Variants in TMEM165 observed in about 807,000 individuals in gnomAD.
TMEM165 encodes transmembrane protein 165, also known as putative divalent cation/proton antiporter TMEM165.
In TMEM165, 19 loss-of-function variants were observed where a neutral mutation model predicts 30.0. The ratio of observed to expected loss-of-function variants is 0.63; its 90% CI spans 0.44 to 0.93. The LOEUF (loss-of-function observed/expected upper bound fraction) is 0.93. TMEM165 is among the 40% of genes least tolerant of loss of function. The probability of loss-of-function intolerance (pLI) is 0.00; values close to 1 mark genes in which losing one functional copy is unlikely to be tolerated. For missense variants in TMEM165, 340 were observed against 417.0 expected (o/e 0.82, Z 1.61); for synonymous variants, 168 against 162.9 (o/e 1.03, Z -0.24).
chr4:55,440,983 A>C (rs572200674), intron 3 of TMEM165, among the ~76,000 whole-genome samples: 6 of 142,236 alleles, frequency 4.2e-5, no homozygotes, highest in Admixed American at 6.9e-5. Flanking sequence ...AAACAAAACA[A>C]AACACAACAC....
At chr4:55,448,601 CGTGTGTGTGTGT>C (rs3034980) in intron 3 of TMEM165, among the ~76,000 whole-genome samples, 6,258 of 116,948 alleles carry the variant, frequency 0.054, 215 homozygotes, top group African/African-American at 0.11. Flanking sequence ...CGCACGCGCG[CGTGTGTGTGTGT>C]GTGTGTGTGT....
chr4:55,405,605 G>A (rs1721235656), intron 1 of TMEM165, among the ~76,000 whole-genome samples: 1 of 152,134 alleles, frequency 6.6e-6, no homozygotes, highest in South Asian at 2.1e-4. Context: ...CTGCCAACCA[G>A]AAAACCTCAC....
At chr4:55,414,972 C>G (rs1432041201) in intron 2 of TMEM165, among the ~76,000 whole-genome samples, 2 of 152,276 alleles carry the variant, frequency 1.3e-5, no homozygotes, top group East Asian at 3.9e-4. Flanking sequence ...GTGACCCAGT[C>G]AATATTTCTT....
In TMEM165 at chr4:55,417,061, A is replaced by AT. The variant is rs1721761558; in HGVS notation, c.434-5dup. On this transcript the variant is annotated splice_polypyrimidine_tract_variant and intron_variant, in intron 2 of 5. Coordinates refer to ENST00000381334, the MANE Select transcript of TMEM165 (RefSeq NM_018475.5). Reference sequence around the variant, plus strand: ...ACTCGATTAACAAACATACTGTTGTATTTTTTCCAGTTTTGTTTGGCTATG... The same window carrying AT: ...ACTCGATTAACAAACATACTGTTGTATTTTTTTCCAGTTTTGTTTGGCTATG... The AT allele has an allele frequency of 1.9e-6, 3 of 1,585,674 alleles. No individual in the cohort carries two copies. The highest frequency in any genetic ancestry group is 1.7e-6 in the Non-Finnish European group (2 of 1,168,356).
chr4:55,401,994 T>A (rs1320707582), intron 1 of TMEM165, among the ~76,000 whole-genome samples: 5 of 148,698 alleles, frequency 3.4e-5, no homozygotes, highest in African/African-American at 1.3e-4. Flanking sequence ...GGCACACACC[T>A]GTAATCCCAG....
chr4:55,443,665 C>T (rs1328685290), intron 3 of TMEM165: 1 of 1,587,846 alleles, frequency 6.3e-7, no homozygotes, highest in Non-Finnish European at 8.6e-7. Context: ...ACTCCATAGC[C>T]CGCTGTGCTC....
chr4:55,396,301 G>C lies in TMEM165; in HGVS notation c.112G>C (p.Asp38His). ...PAAVRAGPDE[D>H]LSHRNKEPPA... ...TGCGGTCCGGGCCGGCCCAGATGAA[G>C]ACCTTAGCCACCGGAACAAAGAACC... The change falls in exon 1 of 6, where the codon GAC (aspartate) becomes CAC (histidine). Residue 38 changes from aspartate to histidine, a missense_variant. Around this residue, in one of 2 missense-constraint regions of TMEM165, gnomAD observed 120 missense variants for 109.4 expected, o/e 1.10. Coordinates refer to ENST00000381334, the MANE Select transcript of TMEM165 (RefSeq NM_018475.5). 1.3e-6 allele frequency: 2 copies of C among 1,530,978 alleles called. No homozygotes were observed. The highest frequency in any genetic ancestry group is 1.7e-6 in the Non-Finnish European group (2 of 1,144,136). 94.8% of individuals were successfully genotyped at this position (1,530,978 alleles called of 1,614,324 possible). A position where few individuals can be genotyped will look rare whatever the true frequency, so the allele number is the denominator to read the frequency against.
chr4:55,412,119 GCA>G (rs1721528414), intron 2 of TMEM165: 1 of 443,482 alleles, frequency 2.3e-6, no homozygotes, highest in African/African-American at 2.0e-5. Context: ...TTAGGGCTGG[GCA>G]CAGTCACTCA....
At chr4:55,408,426 A>G (rs879269616) in intron 1 of TMEM165, among the ~76,000 whole-genome samples, 1 of 152,234 alleles carries the variant, frequency 6.6e-6, no homozygotes, top group Non-Finnish European at 1.5e-5. Flanking sequence ...GCTAAATGGT[A>G]TAGCCTATGG....
intron 1 of TMEM165, among the ~76,000 whole-genome samples, chr4:55,410,141 A>T (rs546959473): frequency 6.6e-6 from 1 of 152,224 alleles, no homozygotes; most frequent in Admixed American, 6.5e-5. Flanking sequence ...CTTCTTAAAA[A>T]TGTAAAAAAC....
chr4:55,418,440 C>T (rs1220588495), intron 4 of TMEM165, among the ~76,000 whole-genome samples: 3 of 151,342 alleles, frequency 2.0e-5, no homozygotes, highest in African/African-American at 7.3e-5. Context: ...GGGAGGATTG[C>T]TTGAGCCTGG....
intron 1 of TMEM165, chr4:55,403,224 G>T: frequency 7.8e-7 from 1 of 1,282,950 alleles, no homozygotes; most frequent in South Asian, 1.2e-5. Context: ...CTTTGTTTCT[G>T]TTTTTTTGCA....
chr4:55,452,748 G>A (rs1724578773), exon 4 of TMEM165: 1 of 201,284 alleles, frequency 5.0e-6, no homozygotes, highest in Non-Finnish European at 1.0e-5. Flanking sequence ...TTACCTACCC[G>A]ATAAAAATAT....
intron 4 of TMEM165, among the ~76,000 whole-genome samples, chr4:55,420,695 T>C (rs564262595): frequency 6.6e-6 from 1 of 152,348 alleles, no homozygotes; most frequent in Non-Finnish European, 1.5e-5. Context: ...ATTTTTCTTA[T>C]GAACCATGCA....
downstream of TMEM165, chr4:55,430,989 T>C (rs1474289455): frequency 2.0e-5 from 3 of 152,194 alleles, no homozygotes; most frequent in Non-Finnish European, 4.4e-5. Context: ...GACCTAAACA[T>C]TTCTCAGAAA....
intron 1 of TMEM165, among the ~76,000 whole-genome samples, chr4:55,402,433 ATTTTTTTTTTTTTT>A (rs1170738654): frequency 1.9e-4 from 6 of 30,780 alleles, no homozygotes; most frequent in African/African-American, 8.0e-4. Context: ...ATATATATAT[ATTTTTTTTTTTTTT>A]TTTTTTTTTT....
chr4:55,443,471 G>GT (rs1723534037), intron 3 of TMEM165, among the ~76,000 whole-genome samples: 1 of 102,684 alleles, frequency 9.7e-6, no homozygotes, highest in Admixed American at 1.2e-4. Flanking sequence ...GCAAAACTCC[G>GT]TCTCAAAAAA....
chr4:55,432,678 A>C lies in TMEM165; in HGVS notation c.408+8035A>C, dbSNP rs1722600423. 3 of 152,018 alleles carry C rather than the reference A, an allele frequency of 2.0e-5. No homozygotes were observed. The South Asian group carries it at 6.3e-4, about 32-fold the overall frequency. 9.4% of individuals were successfully genotyped at this position (152,018 alleles called of 1,614,324 possible). A position where few individuals can be genotyped will look rare whatever the true frequency, so the allele number is the denominator to read the frequency against. On this transcript the variant is annotated intron_variant, in intron 3 of 3. Transcript: ENST00000608091. ...CAAATTTAAGAGAATCAGGAGGAAA[A>C]CAAAGCAGCAAAGAGGCAGCTGGTG... is the stretch of plus-strand genomic sequence containing the variant.
At chr4:55,402,313 G>A (rs907549174) in intron 1 of TMEM165, among the ~76,000 whole-genome samples, 3 of 140,416 alleles carry the variant, frequency 2.1e-5, no homozygotes, top group Non-Finnish European at 3.0e-5. Flanking sequence ...ACAAAAATAC[G>A]TAATGAAAAT....
Sources: allele counts gnomAD v4.1 joint callset (sites outside exome capture counted in the v4.1 genomes callset), GRCh38; gene constraint gnomAD v4.1.1; regional missense constraint gnomAD v4.1.1; transcripts MANE v1.5; gene names NCBI Gene and HGNC (gene_info 2026-07-23, HGNC 2026-07-21).